Variants in DSCAM observed in about 807,000 individuals in gnomAD.
DSCAM encodes cell adhesion molecule DSCAM.
DSCAM carries 47 observed loss-of-function variants against 217.7 expected under a neutral mutation model. That is an observed-to-expected ratio of 0.22 (90% CI 0.17 to 0.28). The LOEUF (loss-of-function observed/expected upper bound fraction) is 0.28, where lower values mean the gene tolerates loss of function less well. Among genes scored for constraint, DSCAM ranks in the 10% least tolerant of loss-of-function variants. The pLI is 1.00. For missense variants in DSCAM, 2,080 were observed against 2,618.3 expected, an observed-to-expected ratio of 0.79 and a Z score of 4.49; for synonymous variants, 1,056 against 1,015.3, an observed-to-expected ratio of 1.04 and a Z score of -0.76.
At chr21:40,396,325 C>T (rs1205875830) in intron 3 of DSCAM, among the ~76,000 whole-genome samples, 1 of 152,264 alleles carries the variant, frequency 6.6e-6, no homozygotes, top group East Asian at 1.9e-4. Context: ...CACCATCACG[C>T]CAACTTCTGA....
intron 3 of DSCAM, 38 bp downstream of exon 3, chr21:40,692,772 G>A (rs774364785): frequency 1.9e-6 from 3 of 1,575,692 alleles, no homozygotes; most frequent in South Asian, 1.1e-5. Flanking sequence ...TTCAGAAGGT[G>A]AGCGTGGTGT....
chr21:40,626,576 A>G (rs2053571611), intron 3 of DSCAM, among the ~76,000 whole-genome samples: 1 of 152,138 alleles, frequency 6.6e-6, no homozygotes, highest in African/African-American at 2.4e-5. Flanking sequence ...TCATGTCTCT[A>G]GTCAACCTCA....
chr21:40,014,200 G>A (rs910855834), intron 32 of DSCAM, among the ~76,000 whole-genome samples: 2 of 152,188 alleles, frequency 1.3e-5, no homozygotes, highest in Non-Finnish European at 1.5e-5. Context: ...AGACCAGCCA[G>A]GCCAACATGG....
intron 18 of DSCAM, among the ~76,000 whole-genome samples, chr21:40,138,365 GGT>G (rs1491195439): frequency 2.0e-5 from 3 of 150,874 alleles, no homozygotes; most frequent in African/African-American, 7.3e-5. Context: ...AGTAGCATGG[GGT>G]GTGTTACATG....
intron 28 of DSCAM, among the ~76,000 whole-genome samples, chr21:40,061,438 G>A (rs549648496): frequency 2.6e-5 from 4 of 151,960 alleles, no homozygotes; most frequent in Non-Finnish European, 2.9e-5. Flanking sequence ...GCATGGTGGC[G>A]GGCGCCTGTA....
intron 4 of DSCAM, among the ~76,000 whole-genome samples, chr21:40,354,299 A>T (rs1884084579): frequency 6.6e-6 from 1 of 152,222 alleles, no homozygotes; most frequent in Non-Finnish European, 1.5e-5. Context: ...AATTATATGA[A>T]TACATTAAAT....
At chr21:40,474,656 G>T (rs1249972142) in intron 3 of DSCAM, among the ~76,000 whole-genome samples, 1 of 152,166 alleles carries the variant, frequency 6.6e-6, no homozygotes, top group Non-Finnish European at 1.5e-5. Flanking sequence ...GATCTAACAT[G>T]TCAGCGAATT....
At chr21:40,404,772 T>G (rs1235999978) in intron 3 of DSCAM, among the ~76,000 whole-genome samples, 2 of 152,194 alleles carry the variant, frequency 1.3e-5, no homozygotes, top group East Asian at 3.9e-4. Context: ...CACTGTGCTG[T>G]CATCCTCTAG....
intron 3 of DSCAM, among the ~76,000 whole-genome samples, chr21:40,403,370 T>C (rs1481693422): frequency 6.6e-6 from 1 of 151,628 alleles, no homozygotes; most frequent in Non-Finnish European, 1.5e-5. Context: ...CAATCTCAGC[T>C]CATTGCAACC....
chr21:40,426,528 G>A (rs909909541), intron 3 of DSCAM, among the ~76,000 whole-genome samples: 5 of 152,088 alleles, frequency 3.3e-5, no homozygotes, highest in African/African-American at 1.2e-4. Flanking sequence ...AATTGTTAAA[G>A]GTTCATAATG....
intron 1 of DSCAM, among the ~76,000 whole-genome samples, chr21:40,732,275 A>C (rs1157033653): frequency 6.6e-6 from 1 of 152,212 alleles, no homozygotes; most frequent in Non-Finnish European, 1.5e-5. Flanking sequence ...TTTAAGAATG[A>C]AGTTAAAGAG....
At chr21:40,487,318 TGTGTGTGTGA>T (rs1201103600) in intron 3 of DSCAM, among the ~76,000 whole-genome samples, 64 of 119,204 alleles carry the variant, frequency 5.4e-4, no homozygotes, top group Middle Eastern at 3.8e-3. Flanking sequence ...TGTGTGTGTG[TGTGTGTGTGA>T]GAGAGAGAGA....
chr21:40,528,883 T>C (rs971718727), intron 3 of DSCAM, among the ~76,000 whole-genome samples: 4 of 149,510 alleles, frequency 2.7e-5, no homozygotes, highest in Non-Finnish European at 1.5e-5. Context: ...TCTTTGGCAA[T>C]GTCCAGGCTT....
intron 3 of DSCAM, among the ~76,000 whole-genome samples, chr21:40,389,264 T>C (rs1418826725): frequency 6.6e-6 from 1 of 152,222 alleles, no homozygotes; most frequent in East Asian, 1.9e-4. Flanking sequence ...ATTGAAACCA[T>C]CTTTCTTTCA....
intron 14 of DSCAM, among the ~76,000 whole-genome samples, chr21:40,184,570 G>A (rs917558837): frequency 2.6e-5 from 4 of 152,116 alleles, no homozygotes; most frequent in African/African-American, 7.2e-5. Context: ...CCTCAATCCC[G>A]CCTGTACTCA....
At chr21:40,590,481 C>T (rs960703057) in intron 3 of DSCAM, among the ~76,000 whole-genome samples, 1 of 152,160 alleles carries the variant, frequency 6.6e-6, no homozygotes, top group Admixed American at 6.5e-5. Flanking sequence ...ACTTCAGATT[C>T]CTCATGTAAA....
intron 3 of DSCAM, among the ~76,000 whole-genome samples, chr21:40,605,791 CTTTT>C (rs755767800): frequency 0.077 from 4,746 of 61,460 alleles, 76 homozygotes; most frequent in South Asian, 0.17. Context: ...AATGCACATT[CTTTT>C]TTTTTTTTTT....
chr21:40,332,564 C>A (rs998750930), intron 8 of DSCAM, among the ~76,000 whole-genome samples: 2 of 152,166 alleles, frequency 1.3e-5, no homozygotes, highest in African/African-American at 2.4e-5. Context: ...AATTAGAACA[C>A]GCAATTAAGC....
At chr21:40,528,628 GTCTT>G (rs2076418638) in intron 3 of DSCAM, among the ~76,000 whole-genome samples, 1 of 152,122 alleles carries the variant, frequency 6.6e-6, no homozygotes, top group African/African-American at 2.4e-5. Flanking sequence ...AGTGCATCTT[GTCTT>G]TCTAACTAAC....
Sources: allele counts gnomAD v4.1 joint callset (sites outside exome capture counted in the v4.1 genomes callset), GRCh38; gene constraint gnomAD v4.1.1; transcripts MANE v1.5; gene names NCBI Gene and HGNC (gene_info 2026-07-23, HGNC 2026-07-21).